SERPINA5: variants seen among roughly 807,000 people sequenced by gnomAD.
SERPINA5 encodes the protein plasma serine protease inhibitor.
Under a neutral mutation model 25.3 loss-of-function variants are expected in SERPINA5, and 25 were observed. The ratio of observed to expected loss-of-function variants is 0.99; its 90% CI spans 0.72 to 1.38. The LOEUF (loss-of-function observed/expected upper bound fraction) is 1.38. SERPINA5 is among the 40% of genes most tolerant of loss of function. SERPINA5 has a pLI of 0.00. For synonymous variants in SERPINA5, 234 were observed against 206.2 expected (o/e 1.14, Z -1.16); for missense variants, 599 against 509.5 (o/e 1.18, Z -1.69).
intron 2 of SERPINA5, among the ~76,000 whole-genome samples, chr14:94,585,678 C>T (rs953865517): frequency 6.6e-5 from 10 of 152,058 alleles, no homozygotes; most frequent in East Asian, 1.9e-4. Context: ...CCCTCCAAGG[C>T]GACACACAGG....
At chr14:94,584,171 G>A (rs548856368) in intron 2 of SERPINA5, among the ~76,000 whole-genome samples, 1 of 152,302 alleles carries the variant, frequency 6.6e-6, no homozygotes, top group Non-Finnish European at 1.5e-5. Flanking sequence ...GGCTGTGCAC[G>A]AGTCAGAGGA....
At position 94,589,322 on chromosome 14, in the gene SERPINA5, C is replaced by T. The variant is rs369938193; in HGVS notation, c.620-719C>T. Among the ~76,000 whole-genome samples, 41 of 152,208 alleles carry T rather than the reference C, an allele frequency of 2.7e-4. No individual in the cohort carries two copies. The South Asian group carries it at 4.0e-3, about 15-fold the overall frequency. On this transcript the variant is annotated intron_variant, in intron 3 of 5. Coordinates refer to ENST00000329597, the MANE Select transcript of SERPINA5 (RefSeq NM_000624.6). ...AATTAGCCAGGCATGGTGGTGGGCGCCTGTAATTCCAGCTACTTGGGAGGC... is the reference window on the plus strand; with the variant it reads ...AATTAGCCAGGCATGGTGGTGGGCGTCTGTAATTCCAGCTACTTGGGAGGC...
At chr14:94,591,988 C>T (rs1595083041) in intron 5 of SERPINA5, 69 bp from the exon 6 acceptor site, 6 of 1,522,978 alleles carry the variant, frequency 3.9e-6, no homozygotes, top group East Asian at 2.3e-5. Context: ...TAGGCAGAAG[C>T]TTTGCCATTT....
intron 2 of SERPINA5, among the ~76,000 whole-genome samples, chr14:94,585,487 T>A (rs1885044426): frequency 6.6e-6 from 1 of 152,158 alleles, no homozygotes; most frequent in Admixed American, 6.5e-5. Flanking sequence ...GAGACCATTC[T>A]CTCTCCACTG....
intron 5 of SERPINA5, among the ~76,000 whole-genome samples, chr14:94,591,404 C>G (rs1015040627): frequency 2.0e-5 from 3 of 151,832 alleles, no homozygotes; most frequent in African/African-American, 7.3e-5. Context: ...CTATTCTATT[C>G]TATTCCATTC....
Position 94,590,854 on chromosome 14 carries a change from T to C in SERPINA5, c.996T>C (p.Asp332=). ...GISNVFTSHA[D]LSGISNHSNI... ...GTAACGTCTTCACCTCCCATGCTGA[T>C]CTGTCCGGCATCAGCAACCACTCAA... The change falls in exon 5 of 6, where the codon GAT becomes GAC. Residue 332 remains aspartate (D), a synonymous_variant. Transcript: ENST00000329597. 1 of 1,614,050 alleles carries C rather than the reference T, an allele frequency of 6.2e-7. No homozygotes were observed. Among genetic ancestry groups the C allele is most frequent in the African/African-American group, 1.3e-5 (1 of 75,026 alleles).
chr14:94,587,988 C>G lies in SERPINA5; in HGVS notation c.619+7C>G, dbSNP rs1006090079. 1 of 1,608,866 alleles carries G rather than the reference C, an allele frequency of 6.2e-7. No homozygotes were observed. The highest frequency in any genetic ancestry group is 1.1e-5 in the South Asian group (1 of 90,392). ...AATTACATCTTCTTTAAAGGTAAGG[C>G]CCTTGGGCCCAAACCTGCACTTTCT... On this transcript the variant is annotated splice_region_variant and intron_variant, in intron 3 of 5. Coordinates refer to ENST00000329597, the MANE Select transcript of SERPINA5 (RefSeq NM_000624.6).
rs763315863 is a variant in SERPINA5, at chr14:94,587,743, G to C, written c.381G>C (p.Leu127=). 4.3e-6 allele frequency: 7 copies of C among 1,614,184 alleles called. No individual in the cohort carries two copies. The South Asian group carries it at 7.7e-5, about 18-fold the overall frequency. ...ACCAGCCCAGAGATGGCTTCCAGCT[G>C]AGCCTCGGCAATGCCCTTTTCACCG... The part of the protein sequence containing the change: ...ELNQPRDGFQ[L]SLGNALFTDL... Residue 127 remains leucine (L), a synonymous_variant, in exon 3 of 6, where the codon CTG becomes CTC. Transcript: ENST00000329597.
In SERPINA5 at chr14:94,592,440, T is replaced by C. The variant is rs1885337649; in HGVS notation, c.*201T>C. 1.4e-5 allele frequency: 8 copies of C among 553,990 alleles called. No individual in the cohort carries two copies. The East Asian group carries it at 2.4e-4, about 17-fold the overall frequency. 34.3% of individuals were successfully genotyped at this position (553,990 alleles called of 1,614,324 possible). A position where few individuals can be genotyped will look rare whatever the true frequency, so the allele number is the denominator to read the frequency against. Reference sequence around the variant, plus strand: ...GTGCCTTGGGGAAATGTGGAGAACATTCAATCTTGCCGTCACTATTCATCA... The same window carrying C: ...GTGCCTTGGGGAAATGTGGAGAACACTCAATCTTGCCGTCACTATTCATCA... On this transcript the variant is annotated 3_prime_UTR_variant, in exon 6 of 6. Coordinates refer to ENST00000329597, the MANE Select transcript of SERPINA5 (RefSeq NM_000624.6).
chr14:94,584,946 T>C (rs957709349), intron 2 of SERPINA5, among the ~76,000 whole-genome samples: 2 of 152,168 alleles, frequency 1.3e-5, no homozygotes, highest in African/African-American at 4.8e-5. Flanking sequence ...GCAAGTGCCA[T>C]GGTGGGAACA....
Position 94,587,902 on chromosome 14 carries a change from G to A in SERPINA5, c.540G>A (p.Thr180=), listed in dbSNP as rs146244413. The A allele has an allele frequency of 1.4e-4, 232 of 1,614,252 alleles. 3 individuals carry two copies. In the South Asian group the frequency reaches 2.0e-3, roughly 14 times the overall value. The change falls in exon 3 of 6, where the codon ACG becomes ACA. Residue 180 remains threonine (T), a synonymous_variant. Transcript: ENST00000329597. ...TCAATGATTATGTGGCAAAGCAAAC[G>A]AAGGGCAAGATTGTGGACTTGCTTA... ...KQINDYVAKQ[T]KGKIVDLLKN...
intron 2 of SERPINA5, among the ~76,000 whole-genome samples, chr14:94,586,251 T>C (rs1476038816): frequency 1.3e-5 from 2 of 152,172 alleles, no homozygotes; most frequent in Admixed American, 1.3e-4. Flanking sequence ...TGCCTCCTCA[T>C]CTGGAAGATG....
At chr14:94,591,549 GTTCTATTCTATTCTA>G (rs59712526) in intron 5 of SERPINA5, among the ~76,000 whole-genome samples, 73 of 108,300 alleles carry the variant, frequency 6.7e-4, no homozygotes, top group South Asian at 3.1e-3. Context: ...ATTCTGTTCT[GTTCTATTCTATTCTA>G]TTCTATTCTA....
chr14:94,588,152 C>T (rs1220694953), intron 3 of SERPINA5, among the ~76,000 whole-genome samples, 171 bp downstream of exon 3: 1 of 152,144 alleles, frequency 6.6e-6, no homozygotes, highest in Non-Finnish European at 1.5e-5. Flanking sequence ...AGATGAATGC[C>T]TTCTTGCTGT....
chr14:94,587,305 C>G, intron 2 of SERPINA5, 41 bp from the exon 3 acceptor site: 1 of 1,518,478 alleles, frequency 6.6e-7, no homozygotes, highest in Non-Finnish European at 8.8e-7. Flanking sequence ...GCACCTGGAC[C>G]AGCTCCACCC....
intron 3 of SERPINA5, among the ~76,000 whole-genome samples, 192 bp from the exon 4 acceptor site, chr14:94,589,849 T>C (rs962404338): frequency 1.3e-5 from 2 of 152,100 alleles, no homozygotes; most frequent in Non-Finnish European, 2.9e-5. Context: ...CCACGAAAAG[T>C]CCAAGAATGT....
rs953520667 is a variant in SERPINA5 at position 94,592,185 on chromosome 14, G to A, written c.1167G>A (p.Leu389=). The A allele has an allele frequency of 3.1e-6, 5 of 1,614,050 alleles. No individual in the cohort carries two copies. In the Admixed American group the frequency reaches 5.0e-5, roughly 16 times the overall value. ...SQRLVFNRPF[L]MFIVDNNILF... ...GGCTAGTGTTCAACAGGCCCTTTCTGATGTTCATTGTGGATAACAACATCC... is the reference window on the plus strand; with the variant it reads ...GGCTAGTGTTCAACAGGCCCTTTCTAATGTTCATTGTGGATAACAACATCC... Residue 389 remains leucine, a synonymous_variant, in exon 6 of 6, where the codon CTG becomes CTA. Transcript: ENST00000329597.
intron 3 of SERPINA5, among the ~76,000 whole-genome samples, chr14:94,589,370 C>A (rs1184606593): frequency 6.6e-6 from 1 of 151,984 alleles, no homozygotes; most frequent in Non-Finnish European, 1.5e-5. Context: ...ATCACTTGAA[C>A]CTGGGAGGTG....
chr14:94,584,020 C>T (rs1178300460), intron 2 of SERPINA5, among the ~76,000 whole-genome samples: 1 of 152,206 alleles, frequency 6.6e-6, no homozygotes, highest in Non-Finnish European at 1.5e-5. Context: ...TCTGTTTCTT[C>T]TGCACTGTTA....
Sources: allele counts gnomAD v4.1 joint callset (sites outside exome capture counted in the v4.1 genomes callset), GRCh38; gene constraint gnomAD v4.1.1; transcripts MANE v1.5; gene names NCBI Gene and HGNC (gene_info 2026-07-23, HGNC 2026-07-21).